VPS8: variants seen among roughly 807,000 people sequenced by gnomAD.
VPS8 encodes the protein vacuolar protein sorting-associated protein 8 homolog.
VPS8 carries 129 observed loss-of-function variants against 216.4 expected under a neutral mutation model. That is an observed-to-expected ratio of 0.60 (90% CI 0.52 to 0.69). The LOEUF is 0.69. Ranked by LOEUF, VPS8 falls within the 30% of genes least tolerant of loss-of-function variation. The pLI is 0.00. For missense variants in VPS8, 1,531 were observed against 1,683.5 expected (o/e 0.91, Z 1.59); for synonymous variants, 571 against 565.4 (o/e 1.01, Z -0.14).
chr3:184,905,087 AAG>A (rs1355159144), intron 25 of VPS8, among the ~76,000 whole-genome samples: 1 of 152,158 alleles, frequency 6.6e-6, no homozygotes, highest in Non-Finnish European at 1.5e-5. Flanking sequence ...AGAGTGGAAA[AAG>A]AGTGAACCCA....
chr3:185,027,745 A>C (rs6803967), intron 46 of VPS8, among the ~76,000 whole-genome samples: 50,557 of 152,044 alleles, frequency 0.33, 11,136 homozygotes, highest in African/African-American at 0.63. Flanking sequence ...GGTGTCTGAC[A>C]TCTGTCAGGG....
intron 45 of VPS8, among the ~76,000 whole-genome samples, chr3:185,009,987 A>C (rs1329815768): frequency 3.4e-4 from 3 of 8,942 alleles, no homozygotes; most frequent in Non-Finnish European, 1.9e-3. Flanking sequence ...TTCAGGTCCA[A>C]AAAAAAAAAA....
chr3:185,001,340 TC>T (rs1296758146), intron 45 of VPS8, among the ~76,000 whole-genome samples: 2 of 152,286 alleles, frequency 1.3e-5, no homozygotes, highest in African/African-American at 4.8e-5. Flanking sequence ...AATTCAGTGG[TC>T]CCCATGACCC....
chr3:184,849,919 A>T lies in VPS8; in HGVS notation c.667-17A>T, dbSNP rs1723933767. On this transcript the variant is annotated splice_polypyrimidine_tract_variant and intron_variant, in intron 9 of 47. Transcript: ENST00000625842. The stretch of plus-strand genomic sequence containing the variant: ...AGAGCAATAAATTTGTTTTTGAAGC[A>T]CTTAGTTGTCTTATAGATCACCATG... 1 of 1,603,314 alleles carries T rather than the reference A, an allele frequency of 6.2e-7. No homozygotes were observed. The highest frequency in any genetic ancestry group is 8.5e-7 in the Non-Finnish European group (1 of 1,174,030).
At chr3:184,866,236 G>T (rs1244850521) in intron 16 of VPS8, among the ~76,000 whole-genome samples, 1 of 152,206 alleles carries the variant, frequency 6.6e-6, no homozygotes, top group Non-Finnish European at 1.5e-5. Context: ...TATGACAGCT[G>T]ATACTTGGCT....
chr3:184,838,018 C>T (rs1721446340), intron 5 of VPS8, among the ~76,000 whole-genome samples: 1 of 152,212 alleles, frequency 6.6e-6, no homozygotes, highest in African/African-American at 2.4e-5. Flanking sequence ...TTATTTAAAG[C>T]TATGTGAGCA....
chr3:184,826,181 G>A lies in VPS8; in HGVS notation c.172G>A (p.Asp58Asn). 2 of 1,609,416 alleles carry A rather than the reference G, an allele frequency of 1.2e-6. No individual in the cohort carries two copies. Among genetic ancestry groups the A allele is most frequent in the Non-Finnish European group, 1.7e-6 (2 of 1,177,834 alleles). Residue 58 changes from aspartate to asparagine, a missense_variant, in exon 3 of 48, where the codon GAT becomes AAT. Transcript: ENST00000625842. ...TATTTAGATTGATGACAAGGAGTTT[G>A]ATATTCCTCAAGTTGATACTCCTCC... Reference protein sequence around the residue: ...KNDLIDDKEFDIPQVDTPPTL... With the variant: ...KNDLIDDKEFNIPQVDTPPTL...
chr3:184,926,412 C>T (rs533704956), intron 30 of VPS8, among the ~76,000 whole-genome samples, 182 bp from the exon 31 acceptor site: 1 of 147,998 alleles, frequency 6.8e-6, no homozygotes, highest in South Asian at 2.1e-4. Context: ...ATAGTTAGCA[C>T]ACCTGCACCT....
intron 14 of VPS8, 89 bp downstream of exon 14, chr3:184,855,907 A>G: frequency 3.9e-6 from 4 of 1,026,454 alleles, no homozygotes; most frequent in East Asian, 5.2e-5. Flanking sequence ...TTGTGTTACT[A>G]TCCTAAGTCT....
intron 15 of VPS8, among the ~76,000 whole-genome samples, 173 bp from the exon 16 acceptor site, chr3:184,862,724 A>G (rs1726599373): frequency 6.6e-6 from 1 of 152,192 alleles, no homozygotes; most frequent in African/African-American, 2.4e-5. Flanking sequence ...TATTGTACCT[A>G]CTGTTCTCTG....
chr3:185,051,614 A>G (rs6783157), intron 47 of VPS8, among the ~76,000 whole-genome samples: 79,739 of 152,006 alleles, frequency 0.52, 21,857 homozygotes, highest in African/African-American at 0.68. Flanking sequence ...CCAGTGCCAG[A>G]GAGAGCACAG....
intron 13 of VPS8, among the ~76,000 whole-genome samples, chr3:184,854,689 T>A (rs1246643231): frequency 6.6e-6 from 1 of 152,204 alleles, no homozygotes; most frequent in Admixed American, 6.5e-5. Flanking sequence ...ACTCACTGCC[T>A]GCAGCTTTGG....
chr3:184,983,235 A>C (rs1362401241), intron 42 of VPS8, 141 bp downstream of exon 42: 2 of 649,970 alleles, frequency 3.1e-6, no homozygotes, highest in African/African-American at 1.9e-5. Context: ...ATATCTAAAT[A>C]TCTAACTTCC....
At chr3:184,908,300 G>A (rs1345848245) in intron 25 of VPS8, among the ~76,000 whole-genome samples, 2 of 152,242 alleles carry the variant, frequency 1.3e-5, no homozygotes, top group South Asian at 2.1e-4. Context: ...TTTTCTCTCG[G>A]TCCTTTGCCG....
intron 26 of VPS8, 99 bp from the exon 27 acceptor site, chr3:184,914,882 A>G: frequency 8.3e-7 from 1 of 1,206,432 alleles, no homozygotes; most frequent in Non-Finnish European, 1.2e-6. Flanking sequence ...CCTACTTACA[A>G]ATTGAACTAG....
At chr3:184,822,050 A>G (rs1257201859) in intron 1 of VPS8, among the ~76,000 whole-genome samples, 2 of 150,244 alleles carry the variant, frequency 1.3e-5, no homozygotes, top group African/African-American at 5.0e-5. Context: ...ATTCCATTTT[A>G]ATGATATAGA....
At chr3:185,033,445 A>G (rs1207987870) in intron 46 of VPS8, among the ~76,000 whole-genome samples, 1 of 152,196 alleles carries the variant, frequency 6.6e-6, no homozygotes, top group Non-Finnish European at 1.5e-5. Context: ...TGGTGTCTGC[A>G]TGGCTTAATA....
chr3:184,924,794 A>C (rs1390337280), intron 29 of VPS8, 68 bp from the exon 30 acceptor site: 21 of 1,357,192 alleles, frequency 1.5e-5, no homozygotes, highest in Non-Finnish European at 9.6e-7. Flanking sequence ...CCGTCTTCTA[A>C]TTGTATTTTT....
chr3:184,954,383 A>G (rs1286881645), intron 36 of VPS8, among the ~76,000 whole-genome samples: 1 of 152,112 alleles, frequency 6.6e-6, no homozygotes, highest in Non-Finnish European at 1.5e-5. Context: ...CCCTCTCCAG[A>G]GGTGTCAGGG....
Sources: allele counts gnomAD v4.1 joint callset (sites outside exome capture counted in the v4.1 genomes callset), GRCh38; gene constraint gnomAD v4.1.1; transcripts MANE v1.5; gene names NCBI Gene and HGNC (gene_info 2026-07-23, HGNC 2026-07-21).